The following GRK3 variants were observed in gnomAD, a reference collection of about 807,000 sequenced individuals.
GRK3 encodes the protein G protein-coupled receptor kinase 3.
Under a neutral mutation model 95.7 loss-of-function variants are expected in GRK3, and 54 were observed. That is an observed-to-expected ratio of 0.56 (90% confidence interval 0.45 to 0.71). GRK3 has a LOEUF of 0.71. Ranked by LOEUF, GRK3 falls within the 30% of genes least tolerant of loss-of-function variation. The pLI, the probability that GRK3 is intolerant of heterozygous loss-of-function variation, is 0.00. For synonymous variants in GRK3, 281 were observed against 290.8 expected, an observed-to-expected ratio of 0.97 and a Z score of 0.34; for missense variants, 649 against 851.2, an observed-to-expected ratio of 0.76 and a Z score of 2.96.
intron 3 of GRK3, chr22:25,647,498 C>T: frequency 2.1e-6 from 3 of 1,412,520 alleles, no homozygotes; most frequent in Non-Finnish European, 3.0e-6. Flanking sequence ...TCCTCATTCT[C>T]AGTGGTGCCA....
chr22:25,708,727 TCTCGGCTCAC>T (rs2085320218), intron 15 of GRK3, among the ~76,000 whole-genome samples: 1 of 151,602 alleles, frequency 6.6e-6, no homozygotes, highest in Non-Finnish European at 1.5e-5. Flanking sequence ...AATGGCACAA[TCTCGGCTCAC>T]TGCAACCTCC....
intron 15 of GRK3, among the ~76,000 whole-genome samples, chr22:25,708,977 T>G (rs1319258639): frequency 6.6e-6 from 1 of 152,112 alleles, no homozygotes; most frequent in Non-Finnish European, 1.5e-5. Context: ...TTGCTCTGGG[T>G]ACTCCAAGTT....
intron 13 of GRK3, 39 bp downstream of exon 13, chr22:25,695,253 C>A: frequency 7.0e-7 from 1 of 1,427,840 alleles, no homozygotes; most frequent in Non-Finnish European, 9.8e-7. Flanking sequence ...GTCCTCATGG[C>A]AGCAGGAGCT....
intron 1 of GRK3, among the ~76,000 whole-genome samples, chr22:25,594,744 G>C (rs538288898): frequency 2.0e-5 from 3 of 151,978 alleles, no homozygotes; most frequent in Non-Finnish European, 2.9e-5. Flanking sequence ...CGGGCGTGGC[G>C]GTGGGCACCT....
chr22:25,656,679 A>G (rs899453111), intron 3 of GRK3, among the ~76,000 whole-genome samples: 1 of 152,174 alleles, frequency 6.6e-6, no homozygotes, highest in African/African-American at 2.4e-5. Context: ...TGTTCAGATG[A>G]ACAGATACAA....
In GRK3 at chr22:25,727,908, G is replaced by C. The variant is rs995536600; in HGVS notation, c.*5458G>C. Reference sequence around the variant, plus strand: ...CACTGGCCATTTTTTTAGTTTTATTGTTAAATGGTATTTTTCTATGTTTAA... The same window carrying C: ...CACTGGCCATTTTTTTAGTTTTATTCTTAAATGGTATTTTTCTATGTTTAA... On this transcript the variant is annotated 3_prime_UTR_variant, in exon 21 of 21. Coordinates refer to ENST00000324198, the MANE Select transcript of GRK3 (RefSeq NM_005160.4). 1 of 152,002 alleles carries C rather than the reference G, an allele frequency of 6.6e-6. No homozygotes were observed. Among genetic ancestry groups the C allele is most frequent in the African/African-American group, 2.4e-5 (1 of 41,400 alleles). 9.4% of individuals were successfully genotyped at this position (152,002 alleles called of 1,614,324 possible).
At chr22:25,709,583 G>A (rs778053406) in intron 15 of GRK3, among the ~76,000 whole-genome samples, 25 of 151,762 alleles carry the variant, frequency 1.6e-4, no homozygotes, top group Non-Finnish European at 3.1e-4. Flanking sequence ...ATGTTCTCCT[G>A]ACTATAGAAT....
intron 2 of GRK3, among the ~76,000 whole-genome samples, chr22:25,630,145 A>C (rs145291462): frequency 6.6e-6 from 1 of 152,166 alleles, no homozygotes; most frequent in Non-Finnish European, 1.5e-5. Context: ...AAGCAAACTC[A>C]TGTGTATCGA....
chr22:25,615,286 G>A (rs2084529819), intron 2 of GRK3, among the ~76,000 whole-genome samples: 1 of 152,032 alleles, frequency 6.6e-6, no homozygotes, highest in Non-Finnish European at 1.5e-5. Context: ...AGAATGCCAA[G>A]GACCTATGAA....
chr22:25,595,409 T>C (rs566556061), intron 1 of GRK3, among the ~76,000 whole-genome samples: 4 of 152,304 alleles, frequency 2.6e-5, no homozygotes, highest in South Asian at 2.1e-4. Flanking sequence ...TTACAGTAGC[T>C]GCACACCCAC....
At chr22:25,572,104 G>C (rs1931720796) in intron 1 of GRK3, among the ~76,000 whole-genome samples, 1 of 151,290 alleles carries the variant, frequency 6.6e-6, no homozygotes, top group Admixed American at 6.6e-5. Flanking sequence ...GAGAACATGT[G>C]GTGTTTGGTT....
intron 12 of GRK3, among the ~76,000 whole-genome samples, chr22:25,692,360 T>C (rs1052933275): frequency 3.3e-5 from 5 of 152,232 alleles, no homozygotes; most frequent in African/African-American, 1.2e-4. Flanking sequence ...TTCTTCCTAG[T>C]TGTGTCAGCC....
chr22:25,574,316 C>G (rs747555429), intron 1 of GRK3, among the ~76,000 whole-genome samples: 18 of 152,152 alleles, frequency 1.2e-4, no homozygotes, highest in Non-Finnish European at 2.5e-4. Flanking sequence ...GAAACCCTGT[C>G]TCTACCAAAA....
At chr22:25,661,471 CT>C in intron 3 of GRK3, 104 bp from the exon 4 acceptor site, 1 of 611,636 alleles carries the variant, frequency 1.6e-6, no homozygotes, top group East Asian at 2.7e-5. Flanking sequence ...CAGTAATTTG[CT>C]TTATCTCATG....
chr22:25,620,814 A>G (rs966839101), intron 2 of GRK3, among the ~76,000 whole-genome samples: 1 of 152,258 alleles, frequency 6.6e-6, no homozygotes, highest in Non-Finnish European at 1.5e-5. Context: ...CTAGGCAAGA[A>G]GAAACAATTT....
intron 1 of GRK3, among the ~76,000 whole-genome samples, chr22:25,584,157 A>C (rs1932204340): frequency 6.6e-6 from 1 of 152,244 alleles, no homozygotes; most frequent in African/African-American, 2.4e-5. Flanking sequence ...TGGCTTTGAA[A>C]GCTCTGCTTT....
chr22:25,661,923 G>T (rs531426206), intron 4 of GRK3, among the ~76,000 whole-genome samples: 4 of 152,050 alleles, frequency 2.6e-5, no homozygotes, highest in Non-Finnish European at 5.9e-5. Flanking sequence ...AAATAAAATT[G>T]CTAATTTAGA....
chr22:25,703,097 G>C (rs1337532988), intron 13 of GRK3: 1 of 309,382 alleles, frequency 3.2e-6, no homozygotes, highest in Non-Finnish European at 6.4e-6. Context: ...TGTTCCTTGG[G>C]CTGTTTGAGG....
In GRK3 at chr22:25,574,570, C is replaced by CA. The variant is rs1397904613; in HGVS notation, c.113+9418dup. Among the ~76,000 whole-genome samples, 6 of 152,332 alleles carry CA rather than the reference C, an allele frequency of 3.9e-5. No individual in the cohort carries two copies. The East Asian group carries it at 1.2e-3, about 29-fold the overall frequency. On this transcript the variant is annotated intron_variant, in intron 1 of 20. Transcript: ENST00000324198. Reference sequence around the variant, plus strand: ...ACAGCTGTTAAATATTGCAGACTTTCATTTTCCTTTGTGAATGTCTAAGGC... The same window carrying CA: ...ACAGCTGTTAAATATTGCAGACTTTCAATTTTCCTTTGTGAATGTCTAAGGC...
Sources: allele counts gnomAD v4.1 joint callset (sites outside exome capture counted in the v4.1 genomes callset), GRCh38; gene constraint gnomAD v4.1.1; transcripts MANE v1.5; gene names NCBI Gene and HGNC (gene_info 2026-07-23, HGNC 2026-07-21).